CADPS2: variants seen among roughly 807,000 people sequenced by gnomAD.
The protein encoded by CADPS2 is calcium dependent secretion activator 2.
CADPS2 carries 93 observed loss-of-function variants against 172.5 expected under a neutral mutation model. The observed-to-expected ratio is 0.54, with a 90% CI of 0.46 to 0.64. CADPS2 has a LOEUF of 0.64. CADPS2 is among the 30% of genes least tolerant of loss of function. CADPS2 has a pLI of 0.00. For missense variants in CADPS2, 1,420 were observed against 1,565.9 expected (o/e 0.91, Z 1.57); for synonymous variants, 546 against 555.2 (o/e 0.98, Z 0.23).
At chr7:122,428,688 C>T (rs183067118) in intron 17 of CADPS2, among the ~76,000 whole-genome samples, 2 of 151,964 alleles carry the variant, frequency 1.3e-5, no homozygotes, top group African/African-American at 4.8e-5. Context: ...AGGCTGGTCT[C>T]GAACTCCTGA....
chr7:122,324,047 C>T (rs1307365285), intron 29 of CADPS2, among the ~76,000 whole-genome samples: 1 of 151,580 alleles, frequency 6.6e-6, no homozygotes, highest in Non-Finnish European at 1.5e-5. Flanking sequence ...TCATATTGTC[C>T]TTTCAGTTTC....
intron 9 of CADPS2, among the ~76,000 whole-genome samples, chr7:122,500,412 T>TA (rs1244371571): frequency 5.3e-5 from 8 of 151,608 alleles, no homozygotes; most frequent in East Asian, 1.9e-4. Context: ...TTTATCGTCT[T>TA]AAAAAAAAAC....
chr7:122,386,025 C>A (rs954857430), intron 24 of CADPS2, among the ~76,000 whole-genome samples: 4 of 151,846 alleles, frequency 2.6e-5, no homozygotes, highest in African/African-American at 9.7e-5. Flanking sequence ...CTTTAAAATT[C>A]TAAGAGGAGT....
intron 28 of CADPS2, among the ~76,000 whole-genome samples, chr7:122,330,071 A>G (rs1209162584): frequency 1.8e-4 from 27 of 152,238 alleles, no homozygotes; most frequent in Admixed American, 1.8e-3. Flanking sequence ...AAGGAAAGAA[A>G]AAGAACCAAC....
intron 1 of CADPS2, among the ~76,000 whole-genome samples, chr7:122,835,669 G>C (rs1482428353): frequency 1.3e-5 from 2 of 152,288 alleles, no homozygotes; most frequent in East Asian, 3.9e-4. Flanking sequence ...CAATCAACTG[G>C]AAGAAAGGGT....
At chr7:122,477,773 G>A (rs1047419137) in intron 12 of CADPS2, among the ~76,000 whole-genome samples, 19 of 152,206 alleles carry the variant, frequency 1.2e-4, no homozygotes, top group African/African-American at 3.9e-4. Context: ...GTCATCTCAC[G>A]TAGCTACTTT....
Position 122,368,490 on chromosome 7 carries a change from C to G in CADPS2, c.3388-7477G>C, listed in dbSNP as rs193037704. 2.4e-3 allele frequency among the ~76,000 whole-genome samples: 372 copies of G among 152,254 alleles called. 6 individuals are homozygous for G. The Middle Eastern group carries it at 0.061, about 25-fold the overall frequency. ...ATTGTGTGGCCTTGGGCCTCTGTTT[C>G]CTCATCTGTGAACAGGGAGACTGGA... On this transcript the variant is annotated intron_variant, in intron 25 of 29. Coordinates refer to ENST00000449022, the MANE Select transcript of CADPS2 (RefSeq NM_017954.11).
intron 3 of CADPS2, among the ~76,000 whole-genome samples, chr7:122,658,744 G>A (rs954636194): frequency 5.9e-5 from 9 of 152,116 alleles, no homozygotes; most frequent in Non-Finnish European, 1.2e-4. Flanking sequence ...TGGTGTGGAC[G>A]AGTGGGGAGG....
chr7:122,684,246 A>G (rs904457123), intron 2 of CADPS2, among the ~76,000 whole-genome samples: 3 of 152,122 alleles, frequency 2.0e-5, no homozygotes, highest in African/African-American at 7.2e-5. Context: ...CTTAAAAATC[A>G]CAGTTTCTGA....
At chr7:122,450,523 T>TGTGGCC (rs1180522190) in intron 15 of CADPS2, among the ~76,000 whole-genome samples, 2 of 111,748 alleles carry the variant, frequency 1.8e-5, no homozygotes, top group Non-Finnish European at 3.5e-5. Flanking sequence ...TTGGTGGCCT[T>TGTGGCC]TTTTTTTTTT....
chr7:122,367,539 GTTT>G (rs202155427), intron 25 of CADPS2, among the ~76,000 whole-genome samples: 128 of 100,594 alleles, frequency 1.3e-3, no homozygotes, highest in African/African-American at 5.3e-3. Flanking sequence ...CCTTCCCCCA[GTTT>G]TTTTTTTTTT....
chr7:122,332,471 T>G (rs1032365603), intron 28 of CADPS2, among the ~76,000 whole-genome samples: 1 of 151,904 alleles, frequency 6.6e-6, no homozygotes, highest in African/African-American at 2.4e-5. Context: ...TAAAGTCATA[T>G]TCAGGGCAAT....
At chr7:122,838,665 A>T (rs575880055) in intron 1 of CADPS2, among the ~76,000 whole-genome samples, 66 of 152,294 alleles carry the variant, frequency 4.3e-4, no homozygotes, top group Non-Finnish European at 8.2e-4. Flanking sequence ...TCATGAGTGA[A>T]CTCCCATTCA....
chr7:122,852,876 G>C (rs1320414501), intron 1 of CADPS2, among the ~76,000 whole-genome samples: 4 of 152,112 alleles, frequency 2.6e-5, no homozygotes, highest in Non-Finnish European at 5.9e-5. Flanking sequence ...TAAGGGTTGG[G>C]GATGGTAAGG....
chr7:122,645,340 TGTAC>T (rs2078243561), intron 3 of CADPS2, among the ~76,000 whole-genome samples: 3 of 110,328 alleles, frequency 2.7e-5, no homozygotes, highest in African/African-American at 8.9e-5. Context: ...TATACACACA[TGTAC>T]ATGTGTGTGT....
Position 122,319,431 on chromosome 7 carries a change from G to A in CADPS2, c.*734C>T, listed in dbSNP as rs1322315145. 6.6e-6 allele frequency: 1 copy of A among 152,158 alleles called. No homozygotes were observed. Among genetic ancestry groups the A allele is most frequent in the Non-Finnish European group, 1.5e-5 (1 of 68,034 alleles). 9.4% of individuals were successfully genotyped at this position (152,158 alleles called of 1,614,324 possible). On this transcript the variant is annotated 3_prime_UTR_variant, in exon 30 of 30. Coordinates refer to ENST00000449022, the MANE Select transcript of CADPS2 (RefSeq NM_017954.11). ...AATAGATTTTTATTGCCTGCAAGCT[G>A]TTATACTGGAGCAGGAGAATATGGT...
chr7:122,783,376 TG>T (rs1793255310), intron 1 of CADPS2, among the ~76,000 whole-genome samples: 1 of 152,190 alleles, frequency 6.6e-6, no homozygotes, highest in Non-Finnish European at 1.5e-5. Context: ...TATTGTTTCT[TG>T]TTCCTTTTCC....
intron 22 of CADPS2, among the ~76,000 whole-genome samples, chr7:122,389,366 G>A (rs2044094711): frequency 6.6e-6 from 1 of 151,930 alleles, no homozygotes; most frequent in South Asian, 2.1e-4. Context: ...GACATTCAGG[G>A]TGCTCTGAAG....
chr7:122,538,377 A>T (rs1443438184), intron 8 of CADPS2, among the ~76,000 whole-genome samples: 2 of 150,636 alleles, frequency 1.3e-5, no homozygotes, highest in East Asian at 1.9e-4. Flanking sequence ...TTTTTTTTTA[A>T]AAACACAAGG....
Sources: allele counts gnomAD v4.1 joint callset (sites outside exome capture counted in the v4.1 genomes callset), GRCh38; gene constraint gnomAD v4.1.1; transcripts MANE v1.5; gene names NCBI Gene and HGNC (gene_info 2026-07-23, HGNC 2026-07-21).